TENM2: variants seen among roughly 807,000 people sequenced by gnomAD.
TENM2 encodes the protein teneurin transmembrane protein 2.
TENM2 carries 52 observed loss-of-function variants against 245.2 expected under a neutral mutation model. That is an observed-to-expected ratio of 0.21 (90% CI 0.17 to 0.27). TENM2 has a LOEUF of 0.27. TENM2 is among the 10% of genes least tolerant of loss of function. The pLI is 1.00. For missense variants in TENM2, 3,046 were observed against 3,666.8 expected (o/e 0.83, Z 4.37); for synonymous variants, 1,363 against 1,438.9 (o/e 0.95, Z 1.19).
intron 2 of TENM2, among the ~76,000 whole-genome samples, chr5:167,851,700 C>T (rs1294269737): frequency 6.6e-6 from 1 of 152,142 alleles, no homozygotes; most frequent in Non-Finnish European, 1.5e-5. Context: ...CCAAGACTTG[C>T]TTGGGTTTTT....
At chr5:167,435,430 G>T (rs1037713002) in intron 2 of TENM2, among the ~76,000 whole-genome samples, 1 of 152,144 alleles carries the variant, frequency 6.6e-6, no homozygotes. Flanking sequence ...TCTCTCTATT[G>T]CCTGCTGCGA....
intron 2 of TENM2, among the ~76,000 whole-genome samples, chr5:167,547,143 T>C (rs911693111): frequency 1.1e-4 from 16 of 152,208 alleles, no homozygotes; most frequent in African/African-American, 3.4e-4. Flanking sequence ...TGGAGTGTAA[T>C]GGCTTGATCT....
intron 2 of TENM2, among the ~76,000 whole-genome samples, chr5:167,445,333 A>AG (rs1465074088): frequency 6.6e-5 from 5 of 76,030 alleles, no homozygotes; most frequent in Admixed American, 1.9e-4. Flanking sequence ...ATATATATAT[A>AG]TATAGAGAGA....
At chr5:167,723,840 A>G (rs1759805546) in intron 2 of TENM2, among the ~76,000 whole-genome samples, 1 of 152,236 alleles carries the variant, frequency 6.6e-6, no homozygotes, top group African/African-American at 2.4e-5. Context: ...ATTACTGTTC[A>G]TGGAGCCCTT....
At chr5:168,219,073 G>A (rs1253448768) in intron 23 of TENM2, 74 bp downstream of exon 25, 4 of 1,447,844 alleles carry the variant, frequency 2.8e-6, no homozygotes, top group Admixed American at 4.4e-5. Context: ...GGTCGCTTGT[G>A]TAGCTTTTTA....
the TENM2 span, among the ~76,000 whole-genome samples, chr5:167,009,499 T>C: frequency 6.6e-6 from 1 of 152,190 alleles, no homozygotes; most frequent in African/African-American, 2.4e-5. Flanking sequence ...TAAAAATGTC[T>C]AATTAATAAT....
intron 1 of TENM2, among the ~76,000 whole-genome samples, chr5:167,353,646 A>T (rs377371950): frequency 0.037 from 5,506 of 150,056 alleles, 111 homozygotes; most frequent in Non-Finnish European, 0.046. Context: ...TAGCTGGGAC[A>T]ACAGGCGCCC....
At chr5:167,588,159 GC>G (rs1775632138) in intron 2 of TENM2, among the ~76,000 whole-genome samples, 2 of 152,186 alleles carry the variant, frequency 1.3e-5, no homozygotes, top group South Asian at 2.1e-4. Context: ...ACATGAACGT[GC>G]AACATAACTG....
rs117911019 is a variant in TENM2, at chr5:167,486,311, A to C, written c.502+110838A>C. 3.5e-3 allele frequency among the ~76,000 whole-genome samples: 529 copies of C among 149,794 alleles called. 29 individuals are homozygous for C. In the South Asian group the frequency reaches 0.094, roughly 27 times the overall value. ...AATAATAATAGTTATTATTTTTGCC[A>C]TTTCTTTTTCTTTTCTTTTTTTTTT... On this transcript the variant is annotated intron_variant, in intron 2 of 28. Transcript: ENST00000518659.
At chr5:167,138,943 G>T in the TENM2 span, among the ~76,000 whole-genome samples, 6 of 152,250 alleles carry the variant, frequency 3.9e-5, no homozygotes, top group Non-Finnish European at 7.4e-5. Context: ...ATCTTATATG[G>T]TTTCTGGGAA....
At chr5:167,929,127 A>AAGAG (rs1561946254) in intron 3 of TENM2, among the ~76,000 whole-genome samples, 4 of 133,802 alleles carry the variant, frequency 3.0e-5, no homozygotes, top group Non-Finnish European at 4.9e-5. Context: ...GAAAGAAAGA[A>AAGAG]AGAAAAGAAA....
At chr5:167,693,127 A>G (rs1286846876) in intron 2 of TENM2, among the ~76,000 whole-genome samples, 2 of 152,204 alleles carry the variant, frequency 1.3e-5, no homozygotes, top group African/African-American at 2.4e-5. Flanking sequence ...CTGAGCTATT[A>G]GTAGAGTGTG....
the TENM2 span, among the ~76,000 whole-genome samples, chr5:167,084,847 A>C: frequency 2.0e-5 from 3 of 152,280 alleles, no homozygotes; most frequent in East Asian, 5.8e-4. Flanking sequence ...CACTCAATGA[A>C]TGTCTTGACC....
intron 2 of TENM2, among the ~76,000 whole-genome samples, chr5:167,760,606 G>A (rs1762600829): frequency 6.6e-6 from 1 of 152,134 alleles, no homozygotes; most frequent in African/African-American, 2.4e-5. Flanking sequence ...TTGTAAATAG[G>A]TAAGTGTCAA....
intron 19 of TENM2, among the ~76,000 whole-genome samples, chr5:168,207,651 G>T (rs1365296872): frequency 6.6e-6 from 1 of 152,120 alleles, no homozygotes; most frequent in African/African-American, 2.4e-5. Flanking sequence ...GGAGGGAGGG[G>T]GAGGAAGAGA....
At chr5:168,049,331 C>T (rs746757656) in intron 6 of TENM2, among the ~76,000 whole-genome samples, 3 of 152,170 alleles carry the variant, frequency 2.0e-5, no homozygotes, top group Admixed American at 6.5e-5. Flanking sequence ...CTTTAATCTA[C>T]AAGTCAGCAC....
chr5:167,964,142 A>G (rs952095297), intron 4 of TENM2, among the ~76,000 whole-genome samples: 8 of 152,178 alleles, frequency 5.3e-5, no homozygotes, highest in Non-Finnish European at 1.5e-5. Context: ...AATATCACCT[A>G]TCTACTCCTT....
At chr5:167,487,488 A>G (rs541139031) in intron 2 of TENM2, among the ~76,000 whole-genome samples, 1 of 152,200 alleles carries the variant, frequency 6.6e-6, no homozygotes, top group South Asian at 2.1e-4. Context: ...TTTTATATGC[A>G]TGTTTATGTT....
chr5:167,321,800 T>TTTTTTTG (rs1467480814), intron 1 of TENM2, among the ~76,000 whole-genome samples: 131 of 12,176 alleles, frequency 0.011, 27 homozygotes, highest in African/African-American at 0.019. Context: ...TTTTTTTTTT[T>TTTTTTTG]TGGGGGGGGG....
Sources: allele counts gnomAD v4.1 joint callset (sites outside exome capture counted in the v4.1 genomes callset), GRCh38; gene constraint gnomAD v4.1.1; transcripts MANE v1.5; gene names NCBI Gene and HGNC (gene_info 2026-07-23, HGNC 2026-07-21).